Variants in ZNF10 observed in about 807,000 individuals in gnomAD.
The protein encoded by ZNF10 is zinc finger protein 10 (KOX 1).
Under a neutral mutation model 12.2 loss-of-function variants are expected in ZNF10, and 8 were observed. That is an observed-to-expected ratio of 0.66 (90% CI 0.39 to 1.18). ZNF10 has a LOEUF of 1.18. Among genes scored for constraint, ZNF10 ranks in the 50% most tolerant of loss-of-function variants. The pLI, the probability that ZNF10 is intolerant of heterozygous loss-of-function variation, is 0.01. For synonymous variants in ZNF10, 229 were observed against 228.2 expected, an observed-to-expected ratio of 1.00 and a Z score of -0.03; for missense variants, 603 against 678.9, an observed-to-expected ratio of 0.89 and a Z score of 1.24.
At chr12:133,132,538 GA>G (rs1344014616) in intron 1 of ZNF10, among the ~76,000 whole-genome samples, 5 of 152,008 alleles carry the variant, frequency 3.3e-5, no homozygotes, top group Non-Finnish European at 5.9e-5. Flanking sequence ...GTATTTTAAG[GA>G]AAAAGAAATT....
chr12:133,145,504 C>T (rs550564046), intron 2 of ZNF10, among the ~76,000 whole-genome samples: 34 of 152,026 alleles, frequency 2.2e-4, no homozygotes, highest in Non-Finnish European at 2.8e-4. Flanking sequence ...TAAGCATTAT[C>T]CAATCCAAAA....
intron 4 of ZNF10, among the ~76,000 whole-genome samples, chr12:133,152,783 G>C (rs577592937): frequency 3.9e-4 from 60 of 152,160 alleles, no homozygotes; most frequent in African/African-American, 1.4e-3. Flanking sequence ...CTCAGACTTT[G>C]AGTGTGATGT....
chr12:133,132,682 T>C (rs1955887825), intron 1 of ZNF10, among the ~76,000 whole-genome samples: 1 of 152,212 alleles, frequency 6.6e-6, no homozygotes, highest in African/African-American at 2.4e-5. Context: ...GGACAAGATA[T>C]GATATAGGCC....
intron 1 of ZNF10, among the ~76,000 whole-genome samples, chr12:133,132,885 G>T (rs1214641340): frequency 2.0e-5 from 3 of 152,118 alleles, no homozygotes; most frequent in African/African-American, 7.2e-5. Context: ...TTCCCATCTA[G>T]ACTCTACCAT....
rs1282742213 is a variant in ZNF10, at chr12:133,158,305, T to C, written c.*1337T>C. ...TATTGCCGCACCCTAATATCTGTTA[T>C]TTAATTGAAATCTGCTTGTGTGCTT... On this transcript the variant is annotated 3_prime_UTR_variant, in exon 5 of 5. Coordinates refer to ENST00000248211, the MANE Select transcript of ZNF10 (RefSeq NM_015394.5). The C allele has an allele frequency of 1.3e-5, 2 of 152,232 alleles. No homozygotes were observed. Among genetic ancestry groups the C allele is most frequent in the Non-Finnish European group, 2.9e-5 (2 of 68,040 alleles). The allele number at this position is 152,232 out of a possible 1,614,324, so 9.4% of individuals were successfully genotyped here. A position where few individuals can be genotyped will look rare whatever the true frequency, so the allele number is the denominator to read the frequency against.
At chr12:133,151,714 G>A (rs1422270827) in intron 3 of ZNF10, 95 bp from the exon 4 acceptor site, 1 of 829,820 alleles carries the variant, frequency 1.2e-6, no homozygotes, top group Non-Finnish European at 2.0e-6. Flanking sequence ...GTCCTGCAGA[G>A]GGTTGGTGGT....
chr12:133,136,192 C>G (rs1484162300), intron 1 of ZNF10, among the ~76,000 whole-genome samples: 3 of 152,026 alleles, frequency 2.0e-5, no homozygotes, highest in Non-Finnish European at 4.4e-5. Flanking sequence ...TCCTTCCCCC[C>G]TTCTCTCTCC....
At chr12:133,144,331 G>C in intron 1 of ZNF10, 103 bp from the exon 2 acceptor site, 1 of 604,778 alleles carries the variant, frequency 1.7e-6, no homozygotes, top group Non-Finnish European at 2.9e-6. Context: ...CTGTATAGTG[G>C]GTGTTTGTGT....
At chr12:133,134,144 C>CAAAAAAAAAAA (rs35470467) in intron 1 of ZNF10, among the ~76,000 whole-genome samples, 1 of 68,022 alleles carries the variant, frequency 1.5e-5, no homozygotes, top group African/African-American at 4.1e-5. Flanking sequence ...ACTAAAAATA[C>CAAAAAAAAAAA]AAAAAAAAAA....
Position 133,151,829 on chromosome 12 carries a change from G to A in ZNF10, c.181G>A (p.Asp61Asn). 1 of 1,613,438 alleles carries A rather than the reference G, an allele frequency of 6.2e-7. No individual in the cohort carries two copies. The highest frequency in any genetic ancestry group is 1.1e-5 in the South Asian group (1 of 91,058). Residue 61 changes from aspartate to asparagine, a missense_variant, in exon 4 of 5, where the codon GAT becomes AAT. Physicochemically the swap from Asp to Asn is conservative, Grantham distance 23. Around this residue, in one of 3 missense-constraint regions of ZNF10, gnomAD observed 393 missense variants for 399.7 expected, o/e 0.98. Coordinates refer to ENST00000248211, the MANE Select transcript of ZNF10 (RefSeq NM_015394.5). ...VSLGYQLTKPDVILRLEKGEE... is the reference protein window; with the variant it reads ...VSLGYQLTKPNVILRLEKGEE... ...AACAGGTTATCAGCTTACTAAGCCA[G>A]ATGTGATCCTCCGGTTGGAGAAGGG... is the stretch of plus-strand genomic sequence containing the variant.
intron 1 of ZNF10, among the ~76,000 whole-genome samples, chr12:133,135,113 C>T (rs888701003): frequency 6.6e-5 from 10 of 152,166 alleles, no homozygotes; most frequent in Admixed American, 3.9e-4. Flanking sequence ...AAAAGAGCTT[C>T]TCAGGTAGGG....
chr12:133,153,399 C>A (rs994623650), intron 4 of ZNF10, among the ~76,000 whole-genome samples: 6 of 152,136 alleles, frequency 3.9e-5, no homozygotes, highest in Admixed American at 1.3e-4. Context: ...TAATAAAACA[C>A]CTCATTCTTA....
chr12:133,138,981 T>C (rs1265175532), intron 1 of ZNF10, among the ~76,000 whole-genome samples: 2 of 152,258 alleles, frequency 1.3e-5, no homozygotes, highest in Non-Finnish European at 2.9e-5. Context: ...TTGTATATCT[T>C]AATTTCCTGA....
intron 2 of ZNF10, among the ~76,000 whole-genome samples, chr12:133,147,371 A>G (rs1566347975): frequency 6.6e-6 from 1 of 152,236 alleles, no homozygotes; most frequent in African/African-American, 2.4e-5. Context: ...TCTCACAGTA[A>G]TGTGTGGGAG....
chr12:133,154,119 C>CG (rs1308078457), intron 4 of ZNF10, among the ~76,000 whole-genome samples: 4 of 149,282 alleles, frequency 2.7e-5, no homozygotes, highest in Admixed American at 6.6e-5. Flanking sequence ...TTTTTGTCGG[C>CG]GGGGGGGATA....
chr12:133,157,254 G>A lies in ZNF10; in HGVS notation c.*286G>A, dbSNP rs1404912375. ...GAATCTGAGAAGGAATTATTAAATA[G>A]GTGAGTTGTTGAGCGAGAACCCCTT... On this transcript the variant is annotated 3_prime_UTR_variant, in exon 5 of 5. Transcript: ENST00000248211. 1 of 260,806 alleles carries A rather than the reference G, an allele frequency of 3.8e-6. No homozygotes were observed. Among genetic ancestry groups the A allele is most frequent in the Non-Finnish European group, 7.2e-6 (1 of 139,772 alleles). The allele number at this position is 260,806 out of a possible 1,614,324, so 16.2% of individuals were successfully genotyped here. A position where few individuals can be genotyped will look rare whatever the true frequency, so the allele number is the denominator to read the frequency against.
rs1373048534 is a variant in ZNF10, at chr12:133,154,051, CTG to C, written c.257-1450_257-1449del. Among the ~76,000 whole-genome samples the C allele has an allele frequency of 5.3e-5, 8 of 151,342 alleles. No individual in the cohort carries two copies. In the East Asian group the frequency reaches 9.7e-4, roughly 18 times the overall value. ...TCATAACTAATTACATCTGGAAAGA[CTG>C]TATTTCCAAATATGGTCATATTCTG... On this transcript the variant is annotated intron_variant, in intron 4 of 4. Transcript: ENST00000248211.
intron 2 of ZNF10, 27 bp downstream of exon 2, chr12:133,144,552 C>G: frequency 1.2e-6 from 2 of 1,609,230 alleles, no homozygotes; most frequent in Non-Finnish European, 1.7e-6. Flanking sequence ...TCCCAGTTTC[C>G]AACTGGGAAT....
Position 133,156,261 on chromosome 12 carries a change from C to G in ZNF10, c.1015C>G (p.His339Asp). Residue 339 changes from histidine to aspartate, a missense_variant, in exon 5 of 5, where the codon CAT (histidine) becomes GAT (aspartate). This residue lies in a region of ZNF10 where 393 missense variants were observed against 399.7 expected (regional missense o/e 0.98). Transcript: ENST00000248211. ...SFSWFSHLVT[H>D]QRTHTGDKLY... ...CAGCTGGTTCTCTCACCTTGTTACT[C>G]ATCAGAGAACTCATACAGGAGACAA... is the stretch of plus-strand genomic sequence containing the variant. 6.2e-7 allele frequency: 1 copy of G among 1,614,146 alleles called. No homozygotes were observed. The highest frequency in any genetic ancestry group is 1.1e-5 in the South Asian group (1 of 91,080).
Sources: gnomAD v4.1 joint callset for allele counts (sites outside exome capture counted in the v4.1 genomes callset) on GRCh38, gnomAD v4.1.1 for gene constraint, gnomAD v4.1.1 regional missense constraint, MANE v1.5 for transcripts, NCBI Gene and HGNC (gene_info 2026-07-23, HGNC 2026-07-21) for gene names.